Variants in ANOS1 observed in about 807,000 individuals in gnomAD.
The protein encoded by ANOS1 is anosmin 1.
In ANOS1, 6 loss-of-function variants were observed where a neutral mutation model predicts 59.0. The observed-to-expected ratio is 0.10, with a 90% CI of 0.06 to 0.20. The LOEUF (loss-of-function observed/expected upper bound fraction) is 0.20. Ranked by LOEUF, ANOS1 falls within the 10% of genes least tolerant of loss-of-function variation. The probability of loss-of-function intolerance (pLI) is 1.00; values close to 1 mark genes in which losing one functional copy is unlikely to be tolerated. For missense variants in ANOS1, 433 were observed against 542.3 expected (o/e 0.80, Z 2.00); for synonymous variants, 217 against 223.4 (o/e 0.97, Z 0.25).
intron 3 of ANOS1, among the ~76,000 whole-genome samples, chrX:8,610,006 CAAAAAAAAAAAAAAAA>C (rs1167209336): frequency 2.2e-4 from 2 of 9,160 alleles, no homozygotes; most frequent in Non-Finnish European, 5.6e-4. Context: ...GACTCCATCT[CAAAAAAAAAAAAAAAA>C]AAAAAAAAAA....
intron 6 of ANOS1, among the ~76,000 whole-genome samples, chrX:8,581,403 T>C (rs1930421380): frequency 9.0e-6 from 1 of 111,687 alleles, no homozygotes; most frequent in Admixed American, 9.5e-5. Flanking sequence ...CCTTTTTTGT[T>C]CCCAGTTTTG....
chrX:8,535,101 T>A (rs1370496158), intron 12 of ANOS1: 1 of 112,985 alleles, frequency 8.9e-6, no homozygotes, highest in Non-Finnish European at 1.8e-5. Context: ...ATCCCACACA[T>A]GATTTTTTTT....
At chrX:8,612,202 A>T (rs975704036) in intron 3 of ANOS1, among the ~76,000 whole-genome samples, 4 of 112,193 alleles carry the variant, frequency 3.6e-5, no homozygotes, top group Non-Finnish European at 7.5e-5. Context: ...CAGTAGGAAG[A>T]TATATGTAAA....
chrX:8,558,988 GCT>G (rs1414729419), intron 8 of ANOS1, among the ~76,000 whole-genome samples: 3 of 112,497 alleles, frequency 2.7e-5, no homozygotes, highest in Non-Finnish European at 5.6e-5. Context: ...GCAGTAATTA[GCT>G]CTTTCTGTCA....
chrX:8,596,473 T>C (rs931327433), intron 4 of ANOS1, among the ~76,000 whole-genome samples: 1 of 112,194 alleles, frequency 8.9e-6, no homozygotes, highest in Non-Finnish European at 1.9e-5. Context: ...AAACGGCTTT[T>C]GAATATAAAC....
At chrX:8,699,596 A>G (rs947047444) in intron 2 of ANOS1, 102 bp downstream of exon 2, 39 of 569,582 alleles carry the variant, frequency 6.8e-5, no homozygotes, top group Non-Finnish European at 1.0e-4. Context: ...GAAACTGGGC[A>G]TATATGATTT....
chrX:8,577,903 T>C (rs1382421577), intron 6 of ANOS1, among the ~76,000 whole-genome samples: 1 of 111,604 alleles, frequency 9.0e-6, no homozygotes, highest in Admixed American at 9.5e-5. Context: ...AGAAATGCCA[T>C]CACTTTTTCT....
chrX:8,628,983 T>A (rs757535775), intron 2 of ANOS1, among the ~76,000 whole-genome samples: 1 of 111,406 alleles, frequency 9.0e-6, no homozygotes, highest in Non-Finnish European at 1.9e-5. Flanking sequence ...GAATGGTGGC[T>A]CATGTCTGTA....
chrX:8,675,003 C>G (rs1932314317), intron 2 of ANOS1, among the ~76,000 whole-genome samples: 1 of 111,798 alleles, frequency 8.9e-6, no homozygotes, highest in Admixed American at 9.5e-5. Flanking sequence ...AATGTAACAG[C>G]AAATCCTCAT....
chrX:8,672,879 C>A (rs931202049), intron 2 of ANOS1, among the ~76,000 whole-genome samples: 2 of 111,409 alleles, frequency 1.8e-5, no homozygotes, highest in Admixed American at 9.6e-5. Flanking sequence ...ATTAAGAAAG[C>A]ATTTTCTTAA....
intron 1 of ANOS1, among the ~76,000 whole-genome samples, chrX:8,707,747 A>T (rs1932787859): frequency 8.9e-6 from 1 of 111,901 alleles, no homozygotes. Flanking sequence ...CAATAACTTG[A>T]GCATCTTCAG....
At chrX:8,656,150 C>T (rs752114276) in intron 2 of ANOS1, among the ~76,000 whole-genome samples, 3 of 112,417 alleles carry the variant, frequency 2.7e-5, no homozygotes, top group Non-Finnish European at 3.8e-5. Flanking sequence ...CCAGCCACTA[C>T]CTGCACATCT....
intron 9 of ANOS1, among the ~76,000 whole-genome samples, chrX:8,541,514 G>A (rs35415901): frequency 0.012 from 1,190 of 101,599 alleles, 26 homozygotes; most frequent in African/African-American, 0.042. Context: ...ATATAAGGCG[G>A]CTGGCGTGTG....
intron 3 of ANOS1, among the ~76,000 whole-genome samples, chrX:8,619,407 C>A (rs1389555329): frequency 9.0e-6 from 1 of 111,134 alleles, no homozygotes; most frequent in African/African-American, 3.3e-5. Context: ...AGATGGAGAC[C>A]ATCCTGGCCA....
chrX:8,654,183 G>A (rs1445700264), intron 2 of ANOS1, among the ~76,000 whole-genome samples: 1 of 111,624 alleles, frequency 9.0e-6, no homozygotes, highest in East Asian at 2.8e-4. Context: ...GCCAAATTTG[G>A]TCTTATGTCT....
chrX:8,658,486 A>T (rs5934468), intron 2 of ANOS1, among the ~76,000 whole-genome samples: 25,029 of 110,958 alleles, frequency 0.23, 2,140 homozygotes, highest in East Asian at 0.39. Flanking sequence ...TCTGTTTTTT[A>T]ACCTCCATGC....
intron 1 of ANOS1, among the ~76,000 whole-genome samples, chrX:8,726,213 A>AG (rs1307929931): frequency 1.8e-5 from 2 of 111,135 alleles, no homozygotes; most frequent in African/African-American, 6.6e-5. Context: ...GCCTTGGAGG[A>AG]GAGGCTGGCC....
chrX:8,659,086 G>A (rs748786355), intron 2 of ANOS1, among the ~76,000 whole-genome samples: 1 of 110,994 alleles, frequency 9.0e-6, no homozygotes, highest in South Asian at 3.9e-4. Context: ...AATTATCCGG[G>A]TGTGGTGGTG....
intron 2 of ANOS1, among the ~76,000 whole-genome samples, chrX:8,627,843 TAA>T (rs764925236): frequency 9.8e-6 from 1 of 101,568 alleles, no homozygotes. Flanking sequence ...GCAAGCAATT[TAA>T]AAAAAAAAAA....
Sources: allele counts gnomAD v4.1 joint callset (sites outside exome capture counted in the v4.1 genomes callset), GRCh38; gene constraint gnomAD v4.1.1; transcripts MANE v1.5; gene names NCBI Gene and HGNC (gene_info 2026-07-23, HGNC 2026-07-21).